Variants in RGS17 observed in about 807,000 individuals in gnomAD.
RGS17 encodes regulator of G protein signaling 17.
RGS17 carries 12 observed loss-of-function variants against 25.5 expected under a neutral mutation model. The ratio of observed to expected loss-of-function variants is 0.47; its 90% CI spans 0.30 to 0.76. The LOEUF is 0.76. Among genes scored for constraint, RGS17 ranks in the 30% least tolerant of loss-of-function variants. The pLI is 0.07. For synonymous variants in RGS17, 71 were observed against 76.9 expected (o/e 0.92, Z 0.40); for missense variants, 196 against 242.2 (o/e 0.81, Z 1.27).
intron 1 of RGS17, among the ~76,000 whole-genome samples, chr6:153,085,644 G>C (rs1777041960): frequency 6.6e-6 from 1 of 152,204 alleles, no homozygotes; most frequent in African/African-American, 2.4e-5. Context: ...AATAACTTTT[G>C]AGTAGCACAA....
At chr6:153,041,432 T>G (rs1403587818) in intron 2 of RGS17, among the ~76,000 whole-genome samples, 1 of 152,228 alleles carries the variant, frequency 6.6e-6, no homozygotes, top group Non-Finnish European at 1.5e-5. Context: ...AAAGCTGTTT[T>G]GTTCTCCATC....
chr6:153,029,398 A>G (rs568168851), intron 2 of RGS17, among the ~76,000 whole-genome samples: 1 of 152,292 alleles, frequency 6.6e-6, no homozygotes, highest in East Asian at 1.9e-4. Context: ...GTCTGTCTTG[A>G]TATTGACTAA....
At chr6:153,046,795 A>G (rs919228873) in intron 1 of RGS17, among the ~76,000 whole-genome samples, 17 of 152,126 alleles carry the variant, frequency 1.1e-4, no homozygotes, top group Admixed American at 3.3e-4. Context: ...AAAATAATGG[A>G]TTGTCAGGAA....
intron 1 of RGS17, among the ~76,000 whole-genome samples, chr6:153,088,860 G>A (rs1777087123): frequency 1.3e-5 from 2 of 152,134 alleles, no homozygotes; most frequent in South Asian, 2.1e-4. Flanking sequence ...ATAGTACCAT[G>A]TATTTTTAGC....
At chr6:153,044,536 T>C (rs1776364201) in intron 1 of RGS17, among the ~76,000 whole-genome samples, 1 of 152,214 alleles carries the variant, frequency 6.6e-6, no homozygotes, top group Non-Finnish European at 1.5e-5. Context: ...GCCCTCTCAC[T>C]TCCTTTGAAA....
rs192070167 is a variant in RGS17 at position 153,050,113 on chromosome 6, C to T, written c.-25-6070G>A. Among the ~76,000 whole-genome samples, 16 of 152,128 alleles carry T rather than the reference C, an allele frequency of 1.1e-4. 1 individual carries two copies. Among genetic ancestry groups the T allele is most frequent in the Middle Eastern group, 6.8e-3 (2 of 294 alleles). On this transcript the variant is annotated intron_variant, in intron 1 of 4. Coordinates refer to ENST00000206262, the MANE Select transcript of RGS17 (RefSeq NM_012419.5). ...ACTTACATATAAAAAATTACACCTC[C>T]AAGTGATAATACATGCAAAAATAAA...
intron 1 of RGS17, among the ~76,000 whole-genome samples, chr6:153,072,207 A>C (rs1366285748): frequency 3.9e-5 from 6 of 152,152 alleles, no homozygotes; most frequent in Admixed American, 6.6e-5. Context: ...TAAGCAATTC[A>C]CCACACTGAT....
At chr6:153,108,362 T>A (rs1777415826) in intron 1 of RGS17, among the ~76,000 whole-genome samples, 1 of 152,166 alleles carries the variant, frequency 6.6e-6, no homozygotes. Flanking sequence ...TGCTCTAAAT[T>A]CTCAGAAATG....
At chr6:153,085,535 A>G (rs867588584) in intron 1 of RGS17, among the ~76,000 whole-genome samples, 4 of 152,310 alleles carry the variant, frequency 2.6e-5, no homozygotes, top group Non-Finnish European at 2.9e-5. Flanking sequence ...TCACACTGAG[A>G]TAAGGGGCTT....
chr6:153,085,937 C>G (rs967078269), intron 1 of RGS17, among the ~76,000 whole-genome samples: 1 of 152,050 alleles, frequency 6.6e-6, no homozygotes, highest in Non-Finnish European at 1.5e-5. Context: ...TCCTTCTAAC[C>G]TGGTCACTTT....
intron 1 of RGS17, among the ~76,000 whole-genome samples, chr6:153,089,761 A>G (rs570146909): frequency 6.6e-6 from 1 of 152,342 alleles, no homozygotes; most frequent in Admixed American, 6.5e-5. Flanking sequence ...ATAAAGATGC[A>G]TTAAGTTTTT....
intron 4 of RGS17, among the ~76,000 whole-genome samples, chr6:153,016,574 T>C (rs1483406064): frequency 6.6e-6 from 1 of 152,204 alleles, no homozygotes. Flanking sequence ...TATGTCCTCA[T>C]TGTTTAATTT....
At chr6:153,052,632 GTTA>G in intron 1 of RGS17, among the ~76,000 whole-genome samples, 1 of 58,888 alleles carries the variant, frequency 1.7e-5, no homozygotes, top group Middle Eastern at 9.4e-3. Context: ...TTAGATGATA[GTTA>G]GATAAGACTT....
chr6:153,111,498 G>A (rs1777468752), intron 1 of RGS17, among the ~76,000 whole-genome samples: 2 of 152,308 alleles, frequency 1.3e-5, no homozygotes, highest in Admixed American at 6.5e-5. Flanking sequence ...GGGGGAAGGG[G>A]TGGCTGTGGG....
intron 1 of RGS17, among the ~76,000 whole-genome samples, chr6:153,126,367 T>TA (rs1225268845): frequency 1.3e-5 from 2 of 152,276 alleles, no homozygotes; most frequent in East Asian, 3.9e-4. Flanking sequence ...AAAAGAAGTG[T>TA]AAAGGTTGGA....
intron 4 of RGS17, among the ~76,000 whole-genome samples, chr6:153,016,568 T>C (rs142835626): frequency 3.3e-5 from 5 of 152,340 alleles, no homozygotes; most frequent in Admixed American, 3.3e-4. Flanking sequence ...ATGGCTTATG[T>C]CCTCATTGTT....
intron 1 of RGS17, among the ~76,000 whole-genome samples, chr6:153,082,128 G>C (rs1177050077): frequency 1.3e-5 from 2 of 152,174 alleles, no homozygotes; most frequent in Non-Finnish European, 2.9e-5. Flanking sequence ...CATACACTGT[G>C]CATGTATCTG....
chr6:153,018,652 C>T (rs552777087), intron 4 of RGS17, among the ~76,000 whole-genome samples: 91 of 152,324 alleles, frequency 6.0e-4, no homozygotes, highest in African/African-American at 2.1e-3. Context: ...CTAATTCAAT[C>T]TCCAGCCCAT....
chr6:153,051,516 A>G lies in RGS17; in HGVS notation c.-25-7473T>C, dbSNP rs998252106. Reference sequence around the variant, plus strand: ...ACTGTCCTTTTCTCCATCTTGTGCAATGGAGAACAGGCAATCCTTGTTATT... The same window carrying G: ...ACTGTCCTTTTCTCCATCTTGTGCAGTGGAGAACAGGCAATCCTTGTTATT... On this transcript the variant is annotated intron_variant, in intron 1 of 4. Transcript: ENST00000206262. Among the ~76,000 whole-genome samples the G allele has an allele frequency of 9.9e-5, 15 of 152,196 alleles. 1 individual carries two copies. The South Asian group carries it at 3.1e-3, about 32-fold the overall frequency.
Sources: allele counts gnomAD v4.1 joint callset (sites outside exome capture counted in the v4.1 genomes callset), GRCh38; gene constraint gnomAD v4.1.1; transcripts MANE v1.5; gene names NCBI Gene and HGNC (gene_info 2026-07-23, HGNC 2026-07-21).